The following SV2C variants were observed in gnomAD, a reference collection of about 807,000 sequenced individuals.
SV2C encodes the protein synaptic vesicle glycoprotein 2C.
A neutral mutation model predicts 79.7 loss-of-function variants in SV2C; 49 were observed. The ratio of observed to expected loss-of-function variants is 0.61; its 90% CI spans 0.49 to 0.78. SV2C has a LOEUF of 0.78. Among genes scored for constraint, SV2C ranks in the 30% least tolerant of loss-of-function variants. The probability of loss-of-function intolerance (pLI) is 0.00; values close to 1 mark genes in which losing one functional copy is unlikely to be tolerated. For missense variants in SV2C, 833 were observed against 912.9 expected, an observed-to-expected ratio of 0.91 and a Z score of 1.13; for synonymous variants, 334 against 333.2, an observed-to-expected ratio of 1.00 and a Z score of -0.03.
chr5:76,265,784 T>C (rs1746634368), intron 4 of SV2C, among the ~76,000 whole-genome samples: 1 of 152,082 alleles, frequency 6.6e-6, no homozygotes, highest in African/African-American at 2.4e-5. Flanking sequence ...CTGCTTCTGC[T>C]TGCCCTCTGT....
chr5:76,093,428 A>G (rs1359349404), intron 1 of SV2C, among the ~76,000 whole-genome samples: 1 of 152,184 alleles, frequency 6.6e-6, no homozygotes, highest in Non-Finnish European at 1.5e-5. Context: ...AGAGGCAGAG[A>G]AAAGAGCCCC....
At chr5:76,055,939 GCAAA>G in the SV2C span, among the ~76,000 whole-genome samples, 6 of 152,142 alleles carry the variant, frequency 3.9e-5, no homozygotes, top group African/African-American at 1.2e-4. Flanking sequence ...CATGTCATCT[GCAAA>G]CAGAGACAAT....
At chr5:76,150,129 CAAAT>C (rs953066950) in intron 2 of SV2C, among the ~76,000 whole-genome samples, 1 of 152,052 alleles carries the variant, frequency 6.6e-6, no homozygotes, top group African/African-American at 2.4e-5. Flanking sequence ...CATGCACACT[CAAAT>C]GAAGGCAGAT....
intron 12 of SV2C, chr5:76,311,282 C>A (rs1164783006): frequency 6.6e-6 from 1 of 152,360 alleles, no homozygotes; most frequent in African/African-American, 2.4e-5. Flanking sequence ...TGCTGTGGTA[C>A]GTCTGCCACA....
At chr5:76,247,891 T>C (rs765091965) in intron 4 of SV2C, among the ~76,000 whole-genome samples, 66 of 152,292 alleles carry the variant, frequency 4.3e-4, no homozygotes, top group Non-Finnish European at 9.3e-4. Context: ...TAATAAGGCA[T>C]GCAAAAGTCA....
At chr5:75,931,278 G>A in the SV2C span, among the ~76,000 whole-genome samples, 3 of 152,212 alleles carry the variant, frequency 2.0e-5, no homozygotes, top group Admixed American at 2.0e-4. Flanking sequence ...GAGCCATAGA[G>A]GGAAATGCTC....
intron 3 of SV2C, among the ~76,000 whole-genome samples, chr5:76,202,749 T>C (rs906853674): frequency 1.3e-5 from 2 of 152,226 alleles, no homozygotes; most frequent in African/African-American, 4.8e-5. Context: ...ACTAGCTTCA[T>C]GTAGCTACCA....
the SV2C span, among the ~76,000 whole-genome samples, chr5:76,023,151 G>T: frequency 2.0e-5 from 3 of 152,166 alleles, no homozygotes; most frequent in Non-Finnish European, 4.4e-5. Flanking sequence ...CTAAATCTGA[G>T]TTAAATTTCT....
intron 4 of SV2C, among the ~76,000 whole-genome samples, chr5:76,238,451 G>A (rs1745684811): frequency 6.6e-6 from 1 of 152,012 alleles, no homozygotes; most frequent in Non-Finnish European, 1.5e-5. Flanking sequence ...GTTCCCTGTA[G>A]TGTCTGTCCT....
At chr5:75,887,934 G>A in the SV2C span, among the ~76,000 whole-genome samples, 1 of 152,102 alleles carries the variant, frequency 6.6e-6, no homozygotes, top group African/African-American at 2.4e-5. Flanking sequence ...TCAAAAAATG[G>A]TGTCTATTAT....
At chr5:76,213,307 T>C (rs1212862323) in intron 4 of SV2C, among the ~76,000 whole-genome samples, 1 of 152,236 alleles carries the variant, frequency 6.6e-6, no homozygotes. Flanking sequence ...TGTTTTAAAG[T>C]TTAATTTTTA....
At chr5:76,268,588 T>A (rs1406353390) in intron 4 of SV2C, among the ~76,000 whole-genome samples, 1 of 152,210 alleles carries the variant, frequency 6.6e-6, no homozygotes, top group African/African-American at 2.4e-5. Context: ...GAGAACCAAC[T>A]TCTCCCATTT....
chr5:76,214,337 G>T (rs773248958), intron 4 of SV2C, among the ~76,000 whole-genome samples: 8 of 152,128 alleles, frequency 5.3e-5, no homozygotes, highest in Non-Finnish European at 1.2e-4. Flanking sequence ...AAGATCAGTT[G>T]ACTGTATAAG....
At chr5:75,881,496 T>A in the SV2C span, among the ~76,000 whole-genome samples, 1 of 152,160 alleles carries the variant, frequency 6.6e-6, no homozygotes, top group East Asian at 1.9e-4. Flanking sequence ...GTAGTTCTCC[T>A]TGAAGAGGTC....
the SV2C span, among the ~76,000 whole-genome samples, chr5:75,900,096 A>C: frequency 6.6e-6 from 1 of 152,264 alleles, no homozygotes; most frequent in East Asian, 1.9e-4. Flanking sequence ...TGTGAATTTG[A>C]TCCTGTCATT....
At chr5:76,063,070 G>A in the SV2C span, among the ~76,000 whole-genome samples, 4 of 152,090 alleles carry the variant, frequency 2.6e-5, no homozygotes, top group Non-Finnish European at 4.4e-5. Context: ...CTATTAAAAT[G>A]ACCTGCTTTA....
the SV2C span, among the ~76,000 whole-genome samples, chr5:75,863,771 G>A: frequency 9.2e-5 from 14 of 152,254 alleles, no homozygotes; most frequent in East Asian, 2.7e-3. Flanking sequence ...ACAAGATTTT[G>A]TGTCCAAATA....
the SV2C span, among the ~76,000 whole-genome samples, chr5:75,978,554 C>G: frequency 3.3e-5 from 5 of 152,056 alleles, no homozygotes; most frequent in African/African-American, 9.7e-5. Context: ...TCTTTGTCAT[C>G]TAGGAAGGGG....
At chr5:75,929,232 C>T in the SV2C span, among the ~76,000 whole-genome samples, 4 of 152,102 alleles carry the variant, frequency 2.6e-5, no homozygotes, top group Admixed American at 6.6e-5. Flanking sequence ...TCAACCACCT[C>T]GCTCTGAGTC....
Sources: allele counts gnomAD v4.1 joint callset (sites outside exome capture counted in the v4.1 genomes callset), GRCh38; gene constraint gnomAD v4.1.1; transcripts MANE v1.5; gene names NCBI Gene and HGNC (gene_info 2026-07-23, HGNC 2026-07-21).